TMEM200C: variants seen among roughly 807,000 people sequenced by gnomAD.
The protein encoded by TMEM200C is transmembrane protein TTMA.
For missense variants in TMEM200C, 966 were observed against 699.9 expected, an observed-to-expected ratio of 1.38 and a Z score of -4.29; for synonymous variants, 462 against 324.7, an observed-to-expected ratio of 1.42 and a Z score of -4.55.
chr18:5,890,774 G>A (rs1176445053), exon 3 of TMEM200C: 3 of 634,012 alleles, frequency 4.7e-6, no homozygotes, highest in Non-Finnish European at 2.8e-6. Context: ...CGCGCATGCT[G>A]CCCTCTGCGC....
At chr18:5,885,950 A>C (rs955367910) in exon 3 of TMEM200C, 10 of 152,196 alleles carry the variant, frequency 6.6e-5, no homozygotes, top group African/African-American at 2.4e-4. Context: ...AAACTCCGTA[A>C]ACATCAACCT....
At chr18:5,888,385 G>T (rs531340488) in exon 3 of TMEM200C, 1 of 152,320 alleles carries the variant, frequency 6.6e-6, no homozygotes, top group African/African-American at 2.4e-5. Context: ...CCCTTTTAAA[G>T]TGTATTACAG....
In TMEM200C at chr18:5,891,613, A is replaced by C. The variant is rs771325322; in HGVS notation, c.451T>G (p.Phe151Val). The C allele has an allele frequency of 1.5e-5, 25 of 1,613,842 alleles. No individual in the cohort carries two copies. Among genetic ancestry groups the C allele is most frequent in the Non-Finnish European group, 2.0e-5 (24 of 1,179,840 alleles). ...TAGCCAGAGAAGATGCGGAAGAAGAAGCCCACGGACGTGGAGGAGGAGGAC... is the reference window on the plus strand; with the variant it reads ...TAGCCAGAGAAGATGCGGAAGAAGACGCCCACGGACGTGGAGGAGGAGGAC... Residue 151 changes from phenylalanine to valine, a missense_variant, in exon 3 of 3, where the codon TTC becomes GTC. Phe to Val is a conservative substitution (Grantham distance 50, BLOSUM62 -1). Coordinates refer to ENST00000581347, the Ensembl canonical transcript of TMEM200C. The surrounding 1 kb of genome is among the most constrained non-coding windows in gnomAD (Gnocchi z 4.7).
exon 3 of TMEM200C, chr18:5,892,141 T>C: frequency 7.5e-7 from 1 of 1,335,342 alleles, no homozygotes; most frequent in Non-Finnish European, 1.0e-6. Flanking sequence ...CACTAGCTGC[T>C]CAGCCACCTC....
At chr18:5,885,839 T>C (rs1024519799) in exon 3 of TMEM200C, 4 of 152,172 alleles carry the variant, frequency 2.6e-5, no homozygotes, top group Admixed American at 6.5e-5. Flanking sequence ...TTTTCAGAGT[T>C]AGTCATTCAA....
At position 5,891,283 on chromosome 18, in the gene TMEM200C, G is replaced by T. The variant is rs1234407005; in HGVS notation, c.781C>A (p.Leu261Met). The T allele has an allele frequency of 3.5e-6, 5 of 1,414,712 alleles. No individual in the cohort carries two copies. The highest frequency in any genetic ancestry group is 4.6e-6 in the Non-Finnish European group (5 of 1,079,516). 87.6% of individuals were successfully genotyped at this position (1,414,712 alleles called of 1,614,324 possible). Reference sequence around the variant, plus strand: ...GAGCCACCGCAGCCCCCGGGCTTCAGCTCCAGGCCCCGCGACTGCACGTAG... The same window carrying T: ...GAGCCACCGCAGCCCCCGGGCTTCATCTCCAGGCCCCGCGACTGCACGTAG... The change falls in exon 3 of 3, where the codon CTG (leucine) becomes ATG (methionine). Residue 261 changes from leucine to methionine, a missense_variant. Leu to Met is a conservative substitution (Grantham distance 15). Coordinates refer to ENST00000581347, the Ensembl canonical transcript of TMEM200C. The surrounding 1 kb of genome is among the most constrained non-coding windows in gnomAD (Gnocchi z 4.7).
Position 5,891,373 on chromosome 18 carries a change from A to AGGC in TMEM200C, c.688_690dup (p.Ala230dup). On this transcript the variant is annotated inframe_insertion, in exon 3 of 3. Transcript: ENST00000581347. This position sits in a 1 kb window ranked among gnomAD's most constrained non-coding sequence, Gnocchi z 4.7. Reference sequence around the variant, plus strand: ...GCGGCGGGGGCAGACGACGACGAAGAGGCGGCGGCGGCCGCGGCGGCGGCC... The same window carrying AGGC: ...GCGGCGGGGGCAGACGACGACGAAGAGGCGGCGGCGGCGGCCGCGGCGGCGGCC... 2 of 1,340,880 alleles carry AGGC rather than the reference A, an allele frequency of 1.5e-6. No individual in the cohort carries two copies. Among genetic ancestry groups the AGGC allele is most frequent in the Non-Finnish European group, 1.9e-6 (2 of 1,053,168 alleles). 83.1% of individuals were successfully genotyped at this position (1,340,880 alleles called of 1,614,324 possible).
chr18:5,885,597 A>G (rs964646583), exon 3 of TMEM200C: 2 of 152,222 alleles, frequency 1.3e-5, no homozygotes, highest in Admixed American at 1.3e-4. Flanking sequence ...CAGCACTAGC[A>G]CAGTGCTTTT....
chr18:5,895,498 T>A lies in TMEM200C; in HGVS notation c.-545-18A>T, dbSNP rs548432992. On this transcript the variant is annotated intron_variant, in intron 1 of 2. The change abolishes an upstream ATG in the 5' untranslated region. Transcript: ENST00000581347. ...GGCTGTTGCTAAGAGACCGGAGCCATGACACAGGGAAATTGCGGCAGGGTG... is the reference window on the plus strand; with the variant it reads ...GGCTGTTGCTAAGAGACCGGAGCCAAGACACAGGGAAATTGCGGCAGGGTG... The A allele has an allele frequency of 6.7e-6, 1 of 148,784 alleles. No individual in the cohort carries two copies. The highest frequency in any genetic ancestry group is 2.0e-4 in the East Asian group (1 of 4,954). 9.2% of individuals were successfully genotyped at this position (148,784 alleles called of 1,614,324 possible).
chr18:5,895,354 C>G (rs1385145862), exon 2 of TMEM200C: 3 of 151,570 alleles, frequency 2.0e-5, no homozygotes, highest in Non-Finnish European at 1.5e-5. Context: ...GCGGCGCTCC[C>G]GGGCGGGCCC....
At chr18:5,890,126 C>A (rs925486180) in exon 3 of TMEM200C, 12 of 1,360,024 alleles carry the variant, frequency 8.8e-6, no homozygotes, top group Non-Finnish European at 1.2e-5. Flanking sequence ...GAAACAGGGA[C>A]CTGTTAATGC....
At chr18:5,888,453 C>T (rs908146782) in exon 3 of TMEM200C, 6 of 152,162 alleles carry the variant, frequency 3.9e-5, no homozygotes, top group Non-Finnish European at 7.3e-5. Context: ...GTTGTAGGTA[C>T]AAATGTGATA....
rs1369899804 is a variant in TMEM200C, at chr18:5,891,215, C to T, written c.849G>A (p.Ser283=). 1.0e-5 allele frequency: 12 copies of T among 1,185,716 alleles called. No homozygotes were observed. In the East Asian group the frequency reaches 3.3e-4, roughly 33 times the overall value. 73.4% of individuals were successfully genotyped at this position (1,185,716 alleles called of 1,614,324 possible). A position where few individuals can be genotyped will look rare whatever the true frequency, so the allele number is the denominator to read the frequency against. Residue 283 remains serine (S), a synonymous_variant, in exon 3 of 3, where the codon TCG becomes TCA. Transcript: ENST00000581347. This position sits in a 1 kb window ranked among gnomAD's most constrained non-coding sequence, Gnocchi z 4.7. ...TCGGCGCCGCGGGGTGAGGAGGCCACGAGCCCTTGGCCAGCATCGCCGCCG... is the reference window on the plus strand; with the variant it reads ...TCGGCGCCGCGGGGTGAGGAGGCCATGAGCCCTTGGCCAGCATCGCCGCCG...
chr18:5,889,261 C>T (rs1323908345), exon 3 of TMEM200C: 2 of 152,116 alleles, frequency 1.3e-5, no homozygotes, highest in African/African-American at 4.8e-5. Context: ...AAATACTACC[C>T]TACATTTTAA....
In TMEM200C at chr18:5,891,287, C is replaced by T; in HGVS notation, c.777G>A (p.Leu259=). ...CACCGCAGCCCCCGGGCTTCAGCTC[C>T]AGGCCCCGCGACTGCACGTAGCTGA... The change falls in exon 3 of 3, where the codon CTG becomes CTA. Residue 259 remains leucine, a synonymous_variant. Transcript: ENST00000581347. This position sits in a 1 kb window ranked among gnomAD's most constrained non-coding sequence, Gnocchi z 4.7. 13 of 1,414,792 alleles carry T rather than the reference C, an allele frequency of 9.2e-6. No individual in the cohort carries two copies. Among genetic ancestry groups the T allele is most frequent in the South Asian group, 2.9e-5 (2 of 68,318 alleles). The allele number at this position is 1,414,792 out of a possible 1,614,324, so 87.6% of individuals were successfully genotyped here.
At chr18:5,895,068 G>T (rs1176911102) in exon 2 of TMEM200C, 1 of 152,224 alleles carries the variant, frequency 6.6e-6, no homozygotes, top group Non-Finnish European at 1.5e-5. Flanking sequence ...GCGAACGGGC[G>T]CTCGGGCGAC....
chr18:5,892,086 C>T (rs761286902), exon 3 of TMEM200C: 4 of 1,600,082 alleles, frequency 2.5e-6, no homozygotes, highest in Non-Finnish European at 8.5e-7. Flanking sequence ...GAGTGCAGGA[C>T]TAGCCTCTGG....
intron 1 of TMEM200C, among the ~76,000 whole-genome samples, 117 bp from the exon 1 acceptor site, chr18:5,895,639 G>C (rs1270277680): frequency 7.5e-6 from 1 of 132,732 alleles, no homozygotes; most frequent in African/African-American, 2.8e-5. Flanking sequence ...GCTCCCCCGC[G>C]TCCTCCGCCG....
chr18:5,884,386 T>C (rs1473091975), exon 3 of TMEM200C: 1 of 152,148 alleles, frequency 6.6e-6, no homozygotes, highest in Non-Finnish European at 1.5e-5. Flanking sequence ...AAGACTCAGC[T>C]GGAAGATTTG....
Sources: gnomAD v4.1 joint callset for allele counts (sites outside exome capture counted in the v4.1 genomes callset) on GRCh38, gnomAD v4.1.1 for gene constraint, Gnocchi (gnomAD v3.1) non-coding constraint, MANE v1.5 for transcripts, NCBI Gene and HGNC (gene_info 2026-07-23, HGNC 2026-07-21) for gene names.